LUZP2: variants seen among roughly 807,000 people sequenced by gnomAD.
LUZP2 encodes the protein leucine zipper protein 2.
In LUZP2, 52 loss-of-function variants were observed where a neutral mutation model predicts 51.6. The observed-to-expected ratio is 1.01, with a 90% CI of 0.81 to 1.27. The LOEUF (loss-of-function observed/expected upper bound fraction) is 1.27, where lower values mean the gene tolerates loss of function less well. Ranked by LOEUF, LUZP2 falls within the 50% of genes most tolerant of loss-of-function variation. LUZP2 has a pLI of 0.00. For synonymous variants in LUZP2, 154 were observed against 137.3 expected (o/e 1.12, Z -0.85); for missense variants, 436 against 395.4 (o/e 1.10, Z -0.87).
intron 7 of LUZP2, among the ~76,000 whole-genome samples, chr11:24,948,535 G>A (rs573720316): frequency 2.0e-5 from 3 of 151,764 alleles, no homozygotes; most frequent in Admixed American, 1.3e-4. Context: ...TTAAAGGCAA[G>A]CCCTGGGCCC....
intron 10 of LUZP2, among the ~76,000 whole-genome samples, chr11:25,061,874 A>G (rs1482466627): frequency 3.3e-5 from 5 of 152,164 alleles, no homozygotes; most frequent in Non-Finnish European, 7.3e-5. Flanking sequence ...TAGTTCAAGA[A>G]AAAGAATTTG....
chr11:24,519,298 A>C, intron 1 of LUZP2, among the ~76,000 whole-genome samples: 1 of 152,130 alleles, frequency 6.6e-6, no homozygotes, highest in East Asian at 1.9e-4. Context: ...TTTATCTAGA[A>C]TGAGTCTTGA....
chr11:24,957,584 A>AC (rs1425474421), intron 7 of LUZP2, among the ~76,000 whole-genome samples: 3 of 152,132 alleles, frequency 2.0e-5, no homozygotes, highest in African/African-American at 7.2e-5. Flanking sequence ...CATATAAGTG[A>AC]GAACGTGTGG....
chr11:24,960,924 C>T (rs539446012), intron 7 of LUZP2, among the ~76,000 whole-genome samples: 1 of 152,120 alleles, frequency 6.6e-6, no homozygotes, highest in African/African-American at 2.4e-5. Context: ...TTGAATGTGT[C>T]CCAGAGATTG....
At position 24,866,113 on chromosome 11, in the gene LUZP2, TACACACACACAC is replaced by T. The variant is rs60308723; in HGVS notation, c.397-39849_397-39838del. On this transcript the variant is annotated intron_variant, in intron 5 of 11. Transcript: ENST00000336930. ...CGTGAGTCTCCCGGCCTGCATTTCA[TACACACACACAC>T]ACACACACACACACACACACACACA... is the stretch of plus-strand genomic sequence containing the variant. Among the ~76,000 whole-genome samples, 36 of 146,818 alleles carry T rather than the reference TACACACACACAC, an allele frequency of 2.5e-4. No homozygotes were observed. In the East Asian group the frequency reaches 3.0e-3, roughly 12 times the overall value.
At chr11:24,961,753 A>T (rs968316544) in intron 7 of LUZP2, among the ~76,000 whole-genome samples, 8 of 149,296 alleles carry the variant, frequency 5.4e-5, no homozygotes, top group Admixed American at 4.0e-4. Context: ...TTACATTTAA[A>T]GTTAATATTG....
chr11:25,074,819 G>A (rs1453270495), intron 10 of LUZP2, among the ~76,000 whole-genome samples: 1 of 152,012 alleles, frequency 6.6e-6, no homozygotes, highest in Non-Finnish European at 1.5e-5. Flanking sequence ...CACCTCCTGT[G>A]ATTATGTGAT....
intron 1 of LUZP2, among the ~76,000 whole-genome samples, chr11:24,565,212 T>G (rs1282395532): frequency 3.4e-4 from 52 of 152,170 alleles, no homozygotes; most frequent in Admixed American, 3.4e-3. Flanking sequence ...TGTCTAGGAC[T>G]GGCTGTAAAG....
chr11:24,510,438 T>C (rs1850275470), intron 1 of LUZP2, among the ~76,000 whole-genome samples: 1 of 152,208 alleles, frequency 6.6e-6, no homozygotes, highest in South Asian at 2.1e-4. Context: ...GCCACCTTAA[T>C]CAGTTGAGAT....
intron 3 of LUZP2, among the ~76,000 whole-genome samples, chr11:24,733,015 C>CA (rs1333378641): frequency 1.3e-5 from 2 of 149,928 alleles, no homozygotes; most frequent in Admixed American, 1.3e-4. Context: ...GATCACAACG[C>CA]AAAAAACTGT....
intron 1 of LUZP2, among the ~76,000 whole-genome samples, chr11:24,530,762 C>CTTTTTTTTTTTTTTTTTTTTTTTTT (rs367857815): frequency 1.3e-5 from 1 of 75,372 alleles, no homozygotes; most frequent in Non-Finnish European, 2.7e-5. Flanking sequence ...CTTCTTCTTA[C>CTTTTTTTTTTTTTTTTTTTTTTTTT]TTTTTTTTTT....
intron 1 of LUZP2, among the ~76,000 whole-genome samples, chr11:24,666,638 T>C (rs139045810): frequency 4.6e-5 from 7 of 152,320 alleles, no homozygotes; most frequent in Non-Finnish European, 8.8e-5. Flanking sequence ...CAAAGTTATA[T>C]AATTGGATCT....
chr11:25,033,847 G>A (rs1275401315), intron 9 of LUZP2, among the ~76,000 whole-genome samples: 3 of 152,002 alleles, frequency 2.0e-5, no homozygotes, highest in African/African-American at 4.8e-5. Flanking sequence ...CACCTGGGTC[G>A]ATTCCAATCT....
chr11:24,866,482 C>T (rs966756139), intron 5 of LUZP2, among the ~76,000 whole-genome samples: 2 of 152,048 alleles, frequency 1.3e-5, no homozygotes, highest in East Asian at 1.9e-4. Flanking sequence ...AACAAAATGA[C>T]ATCTGCAAAT....
intron 5 of LUZP2, among the ~76,000 whole-genome samples, chr11:24,804,124 C>A (rs1198565610): frequency 6.6e-6 from 1 of 151,814 alleles, no homozygotes; most frequent in Non-Finnish European, 1.5e-5. Flanking sequence ...CAATTTATTT[C>A]AATTTTCACA....
At chr11:24,679,592 T>A (rs1856669373) in intron 1 of LUZP2, among the ~76,000 whole-genome samples, 1 of 152,184 alleles carries the variant, frequency 6.6e-6, no homozygotes. Flanking sequence ...AAATCCTTTA[T>A]TTTTAAAAGA....
At chr11:24,983,782 C>T (rs1856109969) in intron 9 of LUZP2, among the ~76,000 whole-genome samples, 1 of 147,664 alleles carries the variant, frequency 6.8e-6, no homozygotes, top group African/African-American at 2.5e-5. Context: ...AAGCCTTACT[C>T]CTGGGGTTTT....
At chr11:24,638,643 A>T (rs999120712) in intron 1 of LUZP2, among the ~76,000 whole-genome samples, 2 of 151,664 alleles carry the variant, frequency 1.3e-5, no homozygotes, top group African/African-American at 4.9e-5. Flanking sequence ...TTTGTTAAGA[A>T]ATTAGGGCAT....
At chr11:24,716,895 CA>C (rs141515496) in intron 1 of LUZP2, among the ~76,000 whole-genome samples, 1 of 151,024 alleles carries the variant, frequency 6.6e-6, no homozygotes, top group Admixed American at 6.6e-5. Flanking sequence ...GACTACATCT[CA>C]AAAAAATTTT....
Sources: gnomAD v4.1 joint callset for allele counts (sites outside exome capture counted in the v4.1 genomes callset) on GRCh38, gnomAD v4.1.1 for gene constraint, MANE v1.5 for transcripts, NCBI Gene and HGNC (gene_info 2026-07-23, HGNC 2026-07-21) for gene names.